DIS3L2: variants seen among roughly 807,000 people sequenced by gnomAD.
The protein encoded by DIS3L2 is DIS3 like 3'-5' exoribonuclease 2, also known as DIS3-like exonuclease 2.
A neutral mutation model predicts 97.5 loss-of-function variants in DIS3L2; 34 were observed. The observed-to-expected ratio is 0.35, with a 90% confidence interval of 0.27 to 0.46. The LOEUF is 0.46. Among genes scored for constraint, DIS3L2 ranks in the 20% least tolerant of loss-of-function variants. The pLI is 1.00. For synonymous variants in DIS3L2, 435 were observed against 445.2 expected (o/e 0.98, Z 0.29); for missense variants, 1,038 against 1,146.0 (o/e 0.91, Z 1.36).
intron 5 of DIS3L2, among the ~76,000 whole-genome samples, chr2:232,070,735 C>G (rs1695991014): frequency 6.6e-6 from 1 of 152,072 alleles, no homozygotes; most frequent in Admixed American, 6.5e-5. Context: ...CAGGCGCGTA[C>G]CACCACACCC....
At position 232,329,976 on chromosome 2, in the gene DIS3L2, A is replaced by G. The variant is rs1695688298; in HGVS notation, c.1903A>G (p.Ser635Gly). 6 of 1,611,960 alleles carry G rather than the reference A, an allele frequency of 3.7e-6. No homozygotes were observed. The highest frequency in any genetic ancestry group is 5.1e-6 in the Non-Finnish European group (6 of 1,179,172). Residue 635 changes from serine (S) to glycine (G), a missense_variant, in exon 15 of 21, where the codon AGC (serine) becomes GGC (glycine). Ser to Gly is a moderately conservative substitution (Grantham distance 56). Transcript: ENST00000325385. ...CDQMGLPVDF[S>G]SAGALNKSLT... ...CCAGATGGGGCTGCCCGTGGACTTC[A>G]GCTCCGCAGGAGCCCTCAATGTGAG...
rs1376827176 is a variant in DIS3L2 at position 232,037,948 on chromosome 2, C to G, written c.366+7868C>G. Among the ~76,000 whole-genome samples, 1 of 152,228 alleles carries G rather than the reference C, an allele frequency of 6.6e-6. No individual in the cohort carries two copies. Among genetic ancestry groups the G allele is most frequent in the Admixed American group, 6.5e-5 (1 of 15,294 alleles). ...TCACCAGCCTTCTGCGTTGGTCTCA[C>G]TGGGAGCTGCAGGCAGAAGCTGTTC... is the stretch of plus-strand genomic sequence containing the variant. On this transcript the variant is annotated intron_variant, in intron 5 of 20. Transcript: ENST00000325385. The surrounding 1 kb of genome is among the most constrained non-coding windows in gnomAD (Gnocchi z 4.6).
intron 5 of DIS3L2, among the ~76,000 whole-genome samples, chr2:232,086,665 G>GCACA (rs1574863852): frequency 1.4e-4 from 5 of 34,714 alleles, no homozygotes; most frequent in South Asian, 5.2e-4. Flanking sequence ...ATATATGTGT[G>GCACA]TGTGTGTGTG....
intron 5 of DIS3L2, among the ~76,000 whole-genome samples, chr2:232,053,375 A>T (rs1461210549): frequency 2.0e-5 from 3 of 152,212 alleles, no homozygotes; most frequent in Non-Finnish European, 4.4e-5. Context: ...GTTTTTCTAT[A>T]CTACTCTCAA....
chr2:232,080,263 G>C, intron 5 of DIS3L2, among the ~76,000 whole-genome samples: 1 of 152,164 alleles, frequency 6.6e-6, no homozygotes, highest in African/African-American at 2.4e-5. Flanking sequence ...GAGAGAGTGT[G>C]CTGGGTGAGG....
At chr2:232,285,428 G>C (rs1269263300) in intron 13 of DIS3L2, among the ~76,000 whole-genome samples, 3 of 152,242 alleles carry the variant, frequency 2.0e-5, no homozygotes, top group African/African-American at 7.2e-5. Flanking sequence ...AGTCTACTGA[G>C]CTCTCACCTG....
At chr2:232,013,386 C>G (rs1280421111) in intron 1 of DIS3L2, among the ~76,000 whole-genome samples, 1 of 152,220 alleles carries the variant, frequency 6.6e-6, no homozygotes, top group Non-Finnish European at 1.5e-5. Flanking sequence ...GACCTTCCAA[C>G]TTGTTTTAAT....
chr2:232,316,314 C>T (rs1488264859), intron 14 of DIS3L2, among the ~76,000 whole-genome samples: 1 of 152,094 alleles, frequency 6.6e-6, no homozygotes, highest in Non-Finnish European at 1.5e-5. Flanking sequence ...ACGATTATGT[C>T]CTGTTCTTTA....
At chr2:232,258,332 C>T (rs757906227) in intron 12 of DIS3L2, among the ~76,000 whole-genome samples, 13 of 152,102 alleles carry the variant, frequency 8.5e-5, no homozygotes, top group Non-Finnish European at 1.9e-4. Context: ...TGCCTGTAAT[C>T]CCAGCACTTT....
At position 232,292,973 on chromosome 2, in the gene DIS3L2, C is replaced by T. The variant is rs1424574101; in HGVS notation, c.1660-7067C>T. Among the ~76,000 whole-genome samples the T allele has an allele frequency of 6.6e-6, 1 of 152,158 alleles. No homozygotes were observed. The highest frequency in any genetic ancestry group is 1.5e-5 in the Non-Finnish European group (1 of 68,036). On this transcript the variant is annotated intron_variant, in intron 13 of 20. Coordinates refer to ENST00000325385, the MANE Select transcript of DIS3L2 (RefSeq NM_152383.5). This position sits in a 1 kb window ranked among gnomAD's most constrained non-coding sequence, Gnocchi z 4.4. The stretch of plus-strand genomic sequence containing the variant: ...GGTAGTGGTGAGCTCTCCTGCTTGA[C>T]ATGGCAGCTGCCTCTGGAGAGAGAA...
At chr2:232,318,848 T>C (rs1308303421) in intron 14 of DIS3L2, among the ~76,000 whole-genome samples, 1 of 152,210 alleles carries the variant, frequency 6.6e-6, no homozygotes, top group East Asian at 1.9e-4. Flanking sequence ...CTTGTTGGAA[T>C]GAGGAGGAAT....
chr2:232,130,383 A>G (rs1461213376), intron 6 of DIS3L2, among the ~76,000 whole-genome samples: 1 of 152,160 alleles, frequency 6.6e-6, no homozygotes, highest in Non-Finnish European at 1.5e-5. Context: ...TATGATATTT[A>G]TGATAGTATG....
intron 5 of DIS3L2, among the ~76,000 whole-genome samples, chr2:232,031,733 T>C (rs1054212991): frequency 3.3e-5 from 5 of 152,240 alleles, no homozygotes; most frequent in Non-Finnish European, 5.9e-5. Context: ...CTCCCACTTA[T>C]GAGTGAGAAC....
At chr2:232,199,355 C>G (rs1259154866) in intron 9 of DIS3L2, among the ~76,000 whole-genome samples, 1 of 152,078 alleles carries the variant, frequency 6.6e-6, no homozygotes, top group Non-Finnish European at 1.5e-5. Flanking sequence ...TGAAGTTTCT[C>G]GGAGTCAGAT....
intron 6 of DIS3L2, among the ~76,000 whole-genome samples, chr2:232,106,714 A>T (rs1447464584): frequency 8.5e-5 from 13 of 152,220 alleles, no homozygotes; most frequent in Non-Finnish European, 2.9e-5. Flanking sequence ...ATTAACAAAG[A>T]TATTCAGGAC....
downstream of DIS3L2, chr2:232,340,820 G>C (rs1450701420): frequency 2.1e-6 from 1 of 471,532 alleles, no homozygotes; most frequent in Non-Finnish European, 4.4e-6. Context: ...GGTGTGCTCA[G>C]AGCTTCCAGT....
chr2:232,055,404 G>T (rs987783866), intron 5 of DIS3L2, among the ~76,000 whole-genome samples: 6 of 152,140 alleles, frequency 3.9e-5, no homozygotes, highest in African/African-American at 1.4e-4. Flanking sequence ...AAGAAAAAAT[G>T]TTACCCTTAT....
chr2:232,296,949 C>T (rs1208143733), intron 13 of DIS3L2, among the ~76,000 whole-genome samples: 4 of 152,196 alleles, frequency 2.6e-5, no homozygotes, highest in African/African-American at 7.2e-5. Context: ...GAGACTCCCC[C>T]TGCAATTAGA....
intron 14 of DIS3L2, 34 bp downstream of exon 14, chr2:232,300,153 C>T: frequency 1.9e-6 from 3 of 1,601,948 alleles, no homozygotes; most frequent in South Asian, 1.1e-5. Flanking sequence ...TGTCACTTCA[C>T]ATGTGTGCAG....
Sources: allele counts gnomAD v4.1 joint callset (sites outside exome capture counted in the v4.1 genomes callset), GRCh38; gene constraint gnomAD v4.1.1; non-coding constraint Gnocchi (gnomAD v3.1); transcripts MANE v1.5; gene names NCBI Gene and HGNC (gene_info 2026-07-23, HGNC 2026-07-21).